OVGP1: variants seen among roughly 807,000 people sequenced by gnomAD.
OVGP1 encodes oviductal glycoprotein 1.
A neutral mutation model predicts 48.2 loss-of-function variants in OVGP1; 26 were observed. The ratio of observed to expected loss-of-function variants is 0.54; its 90% confidence interval spans 0.40 to 0.75. The LOEUF is 0.75. OVGP1 is among the 30% of genes least tolerant of loss of function. The pLI, the probability that OVGP1 is intolerant of heterozygous loss-of-function variation, is 0.00. For missense variants in OVGP1, 791 were observed against 820.6 expected (o/e 0.96, Z 0.44); for synonymous variants, 294 against 305.7 (o/e 0.96, Z 0.40).
intron 10 of OVGP1, among the ~76,000 whole-genome samples, chr1:111,416,097 A>G (rs1482200232): frequency 2.6e-5 from 4 of 152,214 alleles, no homozygotes; most frequent in Non-Finnish European, 4.4e-5. Flanking sequence ...TAATGTCATG[A>G]GTATACAGAT....
intron 10 of OVGP1, among the ~76,000 whole-genome samples, chr1:111,415,714 T>C (rs889158150): frequency 6.6e-6 from 1 of 152,178 alleles, no homozygotes. Context: ...ACTTGATGAA[T>C]GCTCAAGGAG....
At chr1:111,421,993 G>A (rs928388341) in intron 6 of OVGP1, among the ~76,000 whole-genome samples, 1 of 152,198 alleles carries the variant, frequency 6.6e-6, no homozygotes, top group African/African-American at 2.4e-5. Flanking sequence ...AAAGCAGTCT[G>A]TTCCATAGCT....
In OVGP1 at chr1:111,419,564, C is replaced by G. The variant is rs1389561776; in HGVS notation, c.1020+46G>C. The G allele has an allele frequency of 1.5e-5, 17 of 1,124,328 alleles. No individual in the cohort carries two copies. The East Asian group carries it at 4.0e-4, about 26-fold the overall frequency. 69.6% of individuals were successfully genotyped at this position (1,124,328 alleles called of 1,614,324 possible). A position where few individuals can be genotyped will look rare whatever the true frequency, so the allele number is the denominator to read the frequency against. ...TGTACAAATAAGGACCCCATAGAAA[C>G]CGGTAGGAAACCATGTGCTGGAGCA... On this transcript the variant is annotated intron_variant, in intron 9 of 10. Transcript: ENST00000369732.
At chr1:111,423,161 C>G in intron 5 of OVGP1, 110 bp from the exon 6 acceptor site, 1 of 1,385,536 alleles carries the variant, frequency 7.2e-7, no homozygotes, top group Non-Finnish European at 1.0e-6. Flanking sequence ...GGCTCTGGGA[C>G]ACGAAGGTGA....
chr1:111,427,222 G>C (rs917725998), intron 1 of OVGP1, 131 bp from the exon 2 acceptor site: 1 of 1,532,062 alleles, frequency 6.5e-7, no homozygotes, highest in East Asian at 2.4e-5. Context: ...CACACAAATG[G>C]GGACACACAC....
rs138190978 is a variant in OVGP1 at position 111,422,948 on chromosome 1, T to C, written c.587A>G (p.Tyr196Cys). 8.7e-6 allele frequency: 14 copies of C among 1,613,954 alleles called. No individual in the cohort carries two copies. The highest frequency in any genetic ancestry group is 9.3e-6 in the Non-Finnish European group (11 of 1,179,982). The change falls in exon 6 of 11, where the codon TAT (tyrosine) becomes TGT (cysteine). Residue 196 changes from tyrosine (Y) to cysteine (C), a missense_variant. Tyr to Cys is a radical substitution (Grantham distance 194). Coordinates refer to ENST00000369732, the MANE Select transcript of OVGP1 (RefSeq NM_002557.4). ...SGVPHIVQTS[Y>C]DVRFLGRLLD... The stretch of plus-strand genomic sequence containing the variant: ...TCACCTTCCTAGAAAGCGCACATCA[T>C]AGGATGTTTGGACGATGTGTGGGAC...
chr1:111,414,806 T>C lies in OVGP1; in HGVS notation c.1695A>G (p.Arg565=). 1 of 1,598,470 alleles carries C rather than the reference T, an allele frequency of 6.3e-7. No individual in the cohort carries two copies. The highest frequency in any genetic ancestry group is 8.6e-7 in the Non-Finnish European group (1 of 1,169,532). ...ETLRQNTVAP[R]RKAVAREKVT... ...CCTTTTCACGGGCCACAGCCTTCCT[T>C]CTAGGGGCCACTGTATTCTGTCTAA... The change falls in exon 11 of 11, where the codon AGA becomes AGG. Residue 565 remains arginine (R), a synonymous_variant. Transcript: ENST00000369732.
chr1:111,421,615 T>C lies in OVGP1; in HGVS notation c.667A>G (p.Thr223Ala), dbSNP rs751989079. The C allele has an allele frequency of 2.5e-6, 4 of 1,613,408 alleles. No homozygotes were observed. Among genetic ancestry groups the C allele is most frequent in the Non-Finnish European group, 3.4e-6 (4 of 1,179,424 alleles). The change falls in exon 7 of 11, where the codon ACA (threonine) becomes GCA (alanine). Residue 223 changes from threonine to alanine, a missense_variant. Coordinates refer to ENST00000369732, the MANE Select transcript of OVGP1 (RefSeq NM_002557.4). ...GAGAAGAGGGGGCTATTATGTCCTG[T>C]GAACCTTTCCCAACTTCCATGTAAG... is the stretch of plus-strand genomic sequence containing the variant. ...YDLHGSWERFTGHNSPLFSLP... is the reference protein window; with the variant it reads ...YDLHGSWERFAGHNSPLFSLP...
Position 111,416,545 on chromosome 1 carries a change from G to A in OVGP1, c.1021-87C>T, listed in dbSNP as rs145290311. The A allele has an allele frequency of 7.5e-3, 9,341 of 1,243,472 alleles. 93 individuals carry two copies. The highest frequency in any genetic ancestry group is 0.033 in the South Asian group (1,874 of 56,170). The allele number at this position is 1,243,472 out of a possible 1,614,324, so 77.0% of individuals were successfully genotyped here. A position where few individuals can be genotyped will look rare whatever the true frequency, so the allele number is the denominator to read the frequency against. On this transcript the variant is annotated intron_variant, in intron 9 of 10. Coordinates refer to ENST00000369732, the MANE Select transcript of OVGP1 (RefSeq NM_002557.4). Reference sequence around the variant, plus strand: ...CAAAAAACTGAAGATAGTCCCTCAGGAAGCAATGTAGCTGGGTGGTTAGGA... The same window carrying A: ...CAAAAAACTGAAGATAGTCCCTCAGAAAGCAATGTAGCTGGGTGGTTAGGA...
At chr1:111,415,512 A>T (rs528985104) in intron 10 of OVGP1, among the ~76,000 whole-genome samples, 168 bp from the exon 11 acceptor site, 5 of 152,318 alleles carry the variant, frequency 3.3e-5, no homozygotes, top group Middle Eastern at 3.4e-3. Flanking sequence ...ATCCCACCAC[A>T]TAGAAGCCTT....
rs891715573 is a variant in OVGP1, at chr1:111,423,440, T to A, written c.483+103A>T. ...ACAGTAAAAGAACATTCTGTCACCC[T>A]CTTCTGCCCCTGGCCCTGGACTTAT... On this transcript the variant is annotated intron_variant, in intron 5 of 10. Coordinates refer to ENST00000369732, the MANE Select transcript of OVGP1 (RefSeq NM_002557.4). 6 of 1,237,830 alleles carry A rather than the reference T, an allele frequency of 4.8e-6. No homozygotes were observed. In the African/African-American group the frequency reaches 9.1e-5, roughly 19 times the overall value. 76.7% of individuals were successfully genotyped at this position (1,237,830 alleles called of 1,614,324 possible). A position where few individuals can be genotyped will look rare whatever the true frequency, so the allele number is the denominator to read the frequency against.
intron 4 of OVGP1, among the ~76,000 whole-genome samples, chr1:111,424,528 G>T (rs1652353044): frequency 6.6e-6 from 1 of 152,224 alleles, no homozygotes; most frequent in African/African-American, 2.4e-5. Context: ...ACTGTGACTT[G>T]TGCTTTCTGC....
chr1:111,424,883 C>A (rs1652359449), intron 4 of OVGP1, among the ~76,000 whole-genome samples: 1 of 152,232 alleles, frequency 6.6e-6, no homozygotes, highest in African/African-American at 2.4e-5. Flanking sequence ...TCCACGTTGT[C>A]TCATGGAGAT....
chr1:111,416,520 C>CA (rs1361413500), intron 9 of OVGP1, 62 bp from the exon 10 acceptor site: 5 of 1,459,484 alleles, frequency 3.4e-6, no homozygotes, highest in South Asian at 2.8e-5. Flanking sequence ...GGTACAATGG[C>CA]AAAAAACTGA....
chr1:111,421,285 A>C lies in OVGP1; in HGVS notation c.894T>G (p.Ala298=), dbSNP rs1272711690. The change falls in exon 8 of 11, where the codon GCT becomes GCG. Residue 298 remains alanine, a synonymous_variant. Transcript: ENST00000369732. The part of the protein sequence containing the change: ...GKYTKQEGFL[A]YFEICSFVWG... ...CTGATATTCCCATCACCTCAAAATA[A>C]GCCAAGAAGCCTTCTTGCTTGGTGT... The C allele has an allele frequency of 6.2e-7, 1 of 1,602,940 alleles. No individual in the cohort carries two copies. Among genetic ancestry groups the C allele is most frequent in the African/African-American group, 1.3e-5 (1 of 74,470 alleles).
intron 8 of OVGP1, 95 bp from the exon 9 acceptor site, chr1:111,419,821 A>C: frequency 1.3e-6 from 1 of 768,564 alleles, no homozygotes; most frequent in Non-Finnish European, 2.3e-6. Context: ...GAATCCAAGA[A>C]TCCCTAACCA....
intron 9 of OVGP1, chr1:111,416,693 T>C: frequency 2.5e-6 from 1 of 394,690 alleles, no homozygotes; most frequent in Middle Eastern, 5.9e-4. Flanking sequence ...GATAATAACA[T>C]GTCCAACATG....
chr1:111,415,309 A>G lies in OVGP1; in HGVS notation c.1192T>C (p.Ser398Pro). 6.2e-7 allele frequency: 1 copy of G among 1,612,500 alleles called. No individual in the cohort carries two copies. The highest frequency in any genetic ancestry group is 1.7e-5 in the Admixed American group (1 of 59,896). The change falls in exon 11 of 11, where the codon TCA (serine) becomes CCA (proline). Residue 398 changes from serine to proline, a missense_variant. By Grantham distance (74) the Ser-to-Pro change is moderately conservative. Transcript: ENST00000369732. ...GTGCTTGAAGAATTCACAGCAGATG[A>G]CAGCCAAAATTGTGGTAAAGAAGTT... ...SSTSLPQFWL[S>P]SAVNSSSTDP...
rs1190950780 is a variant in OVGP1 at position 111,421,497 on chromosome 1, C to A, written c.718-36G>T. 2.5e-6 allele frequency: 4 copies of A among 1,608,920 alleles called. No homozygotes were observed. In the South Asian group the frequency reaches 4.4e-5, roughly 18 times the overall value. Reference sequence around the variant, plus strand: ...GAAGAATCCAGACTCCTCCTTGTTACTAAGAGCCAATGGCCTGAGCTCAGG... The same window carrying A: ...GAAGAATCCAGACTCCTCCTTGTTAATAAGAGCCAATGGCCTGAGCTCAGG... On this transcript the variant is annotated intron_variant, in intron 7 of 10. Transcript: ENST00000369732.
Sources: gnomAD v4.1 joint callset for allele counts (sites outside exome capture counted in the v4.1 genomes callset) on GRCh38, gnomAD v4.1.1 for gene constraint, MANE v1.5 for transcripts, NCBI Gene and HGNC (gene_info 2026-07-23, HGNC 2026-07-21) for gene names.